The following TRMU variants were observed in gnomAD, a reference collection of about 807,000 sequenced individuals.
TRMU encodes tRNA mitochondrial 2-thiouridylase.
TRMU carries 49 observed loss-of-function variants against 46.9 expected under a neutral mutation model. That is an observed-to-expected ratio of 1.05 (90% confidence interval 0.83 to 1.33). The LOEUF is 1.33. Ranked by LOEUF, TRMU falls within the 40% of genes most tolerant of loss-of-function variation. The pLI, the probability that TRMU is intolerant of heterozygous loss-of-function variation, is 0.00. For synonymous variants in TRMU, 241 were observed against 200.9 expected (o/e 1.20, Z -1.69); for missense variants, 572 against 532.4 (o/e 1.07, Z -0.73).
intron 1 of TRMU, 70 bp downstream of exon 1, chr22:46,335,916 G>T: frequency 6.6e-7 from 1 of 1,523,068 alleles, no homozygotes; most frequent in Non-Finnish European, 8.8e-7. Context: ...CGTCCGTCGT[G>T]GCGTTGTGCA....
chr22:46,356,677 C>T (rs1042312257), intron 10 of TRMU, 165 bp from the exon 11 acceptor site: 7 of 820,224 alleles, frequency 8.5e-6, no homozygotes, highest in Admixed American at 2.3e-5. Context: ...CCAGGCCTCT[C>T]CTCTCCTGTT....
Position 46,354,313 on chromosome 22 carries a change from T to C in TRMU, c.873+446T>C, listed in dbSNP as rs1214003891. On this transcript the variant is annotated intron_variant, in intron 8 of 10. Coordinates refer to ENST00000645190, the MANE Select transcript of TRMU (RefSeq NM_018006.5). ...AGTGGGGACCTTACCACTGTGACCC[T>C]GGCCTCAAAGCAGGGCCGCTCAGTG... The C allele has an allele frequency of 1.4e-5, 3 of 214,326 alleles. No homozygotes were observed. The East Asian group carries it at 3.5e-4, about 25-fold the overall frequency. 13.3% of individuals were successfully genotyped at this position (214,326 alleles called of 1,614,324 possible).
At chr22:46,352,080 C>T (rs373004247) in intron 5 of TRMU, 41 bp from the exon 6 acceptor site, 2 of 1,610,074 alleles carry the variant, frequency 1.2e-6, no homozygotes, top group Non-Finnish European at 1.7e-6. Flanking sequence ...TGGGCCACCG[C>T]CACTTCTGCT....
intron 10 of TRMU, 61 bp from the exon 11 acceptor site, chr22:46,356,781 C>A: frequency 6.3e-7 from 1 of 1,598,976 alleles, no homozygotes; most frequent in Non-Finnish European, 8.5e-7. Context: ...AGCACTCTGC[C>A]CCTGCCTGCC....
intron 2 of TRMU, among the ~76,000 whole-genome samples, chr22:46,340,761 C>A (rs1019596350): frequency 7.2e-5 from 11 of 151,984 alleles, no homozygotes; most frequent in Non-Finnish European, 1.5e-5. Flanking sequence ...GAATTAGGAG[C>A]GGAGCTGGGA....
rs1477650148 is a variant in TRMU, at chr22:46,342,495, G to T, written c.249-767G>T. ...CATGACATCGCCATTCCTTCCCCCA[G>T]GATATACAGTGGGACTGTGTCTGGG... On this transcript the variant is annotated intron_variant, in intron 2 of 10. Transcript: ENST00000645190. This position sits in a 1 kb window ranked among gnomAD's most constrained non-coding sequence, Gnocchi z 4.7. 6.6e-6 allele frequency among the ~76,000 whole-genome samples: 1 copy of T among 152,178 alleles called. No individual in the cohort carries two copies. Among genetic ancestry groups the T allele is most frequent in the Admixed American group, 6.5e-5 (1 of 15,290 alleles).
In TRMU at chr22:46,336,151, C is replaced by T. The variant is rs2077970630; in HGVS notation, c.82+305C>T. 3 of 1,293,198 alleles carry T rather than the reference C, an allele frequency of 2.3e-6. No individual in the cohort carries two copies. In the Admixed American group the frequency reaches 1.1e-4, roughly 47 times the overall value. The allele number at this position is 1,293,198 out of a possible 1,614,324, so 80.1% of individuals were successfully genotyped here. On this transcript the variant is annotated intron_variant, in intron 1 of 10. Coordinates refer to ENST00000645190, the MANE Select transcript of TRMU (RefSeq NM_018006.5). The surrounding 1 kb of genome is among the most constrained non-coding windows in gnomAD (Gnocchi z 4.1). ...GGGTGGGGTGGGGAGGGAAGGGTTT[C>T]TCACGGATCTGCGGCGTCCACATTC...
Position 46,339,961 on chromosome 22 carries a change from C to T in TRMU, c.248+2017C>T, listed in dbSNP as rs2078078581. Among the ~76,000 whole-genome samples the T allele has an allele frequency of 6.6e-6, 1 of 151,664 alleles. No individual in the cohort carries two copies. The highest frequency in any genetic ancestry group is 2.4e-5 in the African/African-American group (1 of 41,236). ...AAGAAAAAAAAAAGAGTGTGGCGGC[C>T]AAATACAGGATAAATCTGGGGGAAG... On this transcript the variant is annotated intron_variant, in intron 2 of 10. Coordinates refer to ENST00000645190, the MANE Select transcript of TRMU (RefSeq NM_018006.5). The surrounding 1 kb of genome is among the most constrained non-coding windows in gnomAD (Gnocchi z 4.8).
At position 46,352,240 on chromosome 22, in the gene TRMU, G is replaced by A. The variant is rs78833631; in HGVS notation, c.706-24G>A. 4.4e-3 allele frequency: 7,092 copies of A among 1,614,126 alleles called. 177 individuals are homozygous for A. In the East Asian group the frequency reaches 0.066, roughly 15 times the overall value. On this transcript the variant is annotated intron_variant, in intron 6 of 10. Coordinates refer to ENST00000645190, the MANE Select transcript of TRMU (RefSeq NM_018006.5). ...TCTGCCCTGGGCCTAGATCTCCGTCGGTAATGACATGTTTGTTTTCCAGTA... is the reference window on the plus strand; with the variant it reads ...TCTGCCCTGGGCCTAGATCTCCGTCAGTAATGACATGTTTGTTTTCCAGTA...
chr22:46,340,044 G>A (rs1264118405), intron 2 of TRMU, among the ~76,000 whole-genome samples: 1 of 152,136 alleles, frequency 6.6e-6, no homozygotes, highest in African/African-American at 2.4e-5. Flanking sequence ...TTCATGGGGA[G>A]GGAGTGTGGG....
At position 46,351,971 on chromosome 22, in the gene TRMU, C is replaced by T. The variant is rs951516753; in HGVS notation, c.652-150C>T. On this transcript the variant is annotated intron_variant, in intron 5 of 10. Transcript: ENST00000645190. The surrounding 1 kb of genome is among the most constrained non-coding windows in gnomAD (Gnocchi z 6.4). ...CGTGTGCGCCGGCTGTGACTGGCGGCCGAGGGTGCCGGTGGGCAGCCGGGC... is the reference window on the plus strand; with the variant it reads ...CGTGTGCGCCGGCTGTGACTGGCGGTCGAGGGTGCCGGTGGGCAGCCGGGC... The T allele has an allele frequency of 3.6e-6, 3 of 843,736 alleles. No individual in the cohort carries two copies. Among genetic ancestry groups the T allele is most frequent in the African/African-American group, 3.3e-5 (2 of 60,226 alleles). 52.3% of individuals were successfully genotyped at this position (843,736 alleles called of 1,614,324 possible). A position where few individuals can be genotyped will look rare whatever the true frequency, so the allele number is the denominator to read the frequency against.
rs114958641 is a variant in TRMU, at chr22:46,347,686, A to C, written c.478+1142A>C. Among the ~76,000 whole-genome samples, 3,512 of 152,234 alleles carry C rather than the reference A, an allele frequency of 0.023. 53 individuals carry two copies. Among genetic ancestry groups the C allele is most frequent in the Non-Finnish European group, 0.03 (2,045 of 68,016 alleles). On this transcript the variant is annotated intron_variant, in intron 4 of 10. Coordinates refer to ENST00000645190, the MANE Select transcript of TRMU (RefSeq NM_018006.5). This position sits in a 1 kb window ranked among gnomAD's most constrained non-coding sequence, Gnocchi z 5.0. ...ACATCACTCCTCTTAGCAGTCCATG[A>C]GGTGTATGCTCTCATCCCGTTTCAC...
In TRMU at chr22:46,337,896, C is replaced by T. The variant is rs770797096; in HGVS notation, c.200C>T (p.Pro67Leu). 4 of 1,614,212 alleles carry T rather than the reference C, an allele frequency of 2.5e-6. No individual in the cohort carries two copies. Among genetic ancestry groups the T allele is most frequent in the Non-Finnish European group, 3.4e-6 (4 of 1,180,036 alleles). ...AGAGTTTGCCAGATCTTAGACATCCCTTTCCATCAAGTGTCCTACGTAAAG... is the reference window on the plus strand; with the variant it reads ...AGAGTTTGCCAGATCTTAGACATCCTTTTCCATCAAGTGTCCTACGTAAAG... ...AYRVCQILDI[P>L]FHQVSYVKEY... Residue 67 changes from proline (P) to leucine (L), a missense_variant, in exon 2 of 11, where the codon CCT becomes CTT. Transcript: ENST00000645190.
chr22:46,346,808 C>T (rs2078271082), intron 4 of TRMU, among the ~76,000 whole-genome samples: 1 of 152,194 alleles, frequency 6.6e-6, no homozygotes, highest in South Asian at 2.1e-4. Flanking sequence ...ATCCAGCTCT[C>T]GACACTGTGT....
rs2077984562 is a variant in TRMU at position 46,336,574 on chromosome 22, C to T, written c.82+728C>T. On this transcript the variant is annotated intron_variant, in intron 1 of 10. Coordinates refer to ENST00000645190, the MANE Select transcript of TRMU (RefSeq NM_018006.5). This position sits in a 1 kb window ranked among gnomAD's most constrained non-coding sequence, Gnocchi z 4.1. ...TTGGGCAAGTGAATTAAGCCGTCCC[C>T]TGTAAAATTCGGCTAACACCTGCCT... 1 of 152,296 alleles carries T rather than the reference C, an allele frequency of 6.6e-6. No homozygotes were observed. The highest frequency in any genetic ancestry group is 1.5e-5 in the Non-Finnish European group (1 of 68,112). The allele number at this position is 152,296 out of a possible 1,614,324, so 9.4% of individuals were successfully genotyped here. A position where few individuals can be genotyped will look rare whatever the true frequency, so the allele number is the denominator to read the frequency against.
intron 10 of TRMU, 83 bp downstream of exon 10, chr22:46,356,155 CTGAGGCCCAGGAGT>C: frequency 6.6e-7 from 1 of 1,518,944 alleles, no homozygotes; most frequent in Non-Finnish European, 9.1e-7. Flanking sequence ...GAGGAAGGGG[CTGAGGCCCAGGAGT>C]AGGGTGTGCT....
Position 46,338,254 on chromosome 22 carries a change from T to C in TRMU, c.248+310T>C. ...GGATAGGGGAGCTAAGGCTGAGGGCTCCCCTGGAAGGTGAGCACCAATGCC... is the reference window on the plus strand; with the variant it reads ...GGATAGGGGAGCTAAGGCTGAGGGCCCCCCTGGAAGGTGAGCACCAATGCC... On this transcript the variant is annotated intron_variant, in intron 2 of 10. Transcript: ENST00000645190. The surrounding 1 kb of genome is among the most constrained non-coding windows in gnomAD (Gnocchi z 4.5). The C allele has an allele frequency of 2.5e-6, 1 of 394,090 alleles. No individual in the cohort carries two copies. Among genetic ancestry groups the C allele is most frequent in the Non-Finnish European group, 4.9e-6 (1 of 206,170 alleles). 24.4% of individuals were successfully genotyped at this position (394,090 alleles called of 1,614,324 possible). A position where few individuals can be genotyped will look rare whatever the true frequency, so the allele number is the denominator to read the frequency against.
At chr22:46,341,699 G>A (rs1054257045) in intron 2 of TRMU, among the ~76,000 whole-genome samples, 7 of 151,268 alleles carry the variant, frequency 4.6e-5, no homozygotes, top group African/African-American at 7.4e-5. Context: ...GTGAATCCTC[G>A]AAGACTATGA....
At position 46,338,017 on chromosome 22, in the gene TRMU, A is replaced by G. The variant is rs1408571739; in HGVS notation, c.248+73A>G. The G allele has an allele frequency of 1.9e-6, 3 of 1,598,960 alleles. No individual in the cohort carries two copies. Among genetic ancestry groups the G allele is most frequent in the Non-Finnish European group, 2.6e-6 (3 of 1,167,498 alleles). On this transcript the variant is annotated intron_variant, in intron 2 of 10. Coordinates refer to ENST00000645190, the MANE Select transcript of TRMU (RefSeq NM_018006.5). This position sits in a 1 kb window ranked among gnomAD's most constrained non-coding sequence, Gnocchi z 4.5. ...CTTGCAGTGGAAGGATCCGGTAACC[A>G]GCCAGACCGACGCCTGTGCTGCAGC...
Sources: gnomAD v4.1 joint callset for allele counts (sites outside exome capture counted in the v4.1 genomes callset) on GRCh38, gnomAD v4.1.1 for gene constraint, Gnocchi (gnomAD v3.1) non-coding constraint, MANE v1.5 for transcripts, NCBI Gene and HGNC (gene_info 2026-07-23, HGNC 2026-07-21) for gene names.